DYNC2LI1: variants seen among roughly 807,000 people sequenced by gnomAD.
DYNC2LI1 encodes the protein cytoplasmic dynein 2 light intermediate chain 1.
DYNC2LI1 carries 45 observed loss-of-function variants against 51.9 expected under a neutral mutation model. That is an observed-to-expected ratio of 0.87 (90% confidence interval 0.68 to 1.11). The LOEUF is 1.11. Among genes scored for constraint, DYNC2LI1 ranks in the 50% most tolerant of loss-of-function variants. The pLI is 0.00. For missense variants in DYNC2LI1, 490 were observed against 417.4 expected, an observed-to-expected ratio of 1.17 and a Z score of -1.51; for synonymous variants, 130 against 137.8, an observed-to-expected ratio of 0.94 and a Z score of 0.40.
At chr2:43,805,112 TGGTTTATG>T in intron 11 of DYNC2LI1, 34 bp from the exon 12 acceptor site, 1 of 1,334,454 alleles carries the variant, frequency 7.5e-7, no homozygotes. Flanking sequence ...CATTGAATTT[TGGTTTATG>T]GGCGTGAAGT....
At chr2:43,827,325 CAAAAA>C in the DYNC2LI1 span, among the ~76,000 whole-genome samples, 1 of 112,236 alleles carries the variant, frequency 8.9e-6, no homozygotes. Flanking sequence ...AACTCTGTCT[CAAAAA>C]AAAAAAAAAA....
At chr2:43,779,154 G>A (rs987925789) in intron 2 of DYNC2LI1, among the ~76,000 whole-genome samples, 2 of 152,074 alleles carry the variant, frequency 1.3e-5, no homozygotes, top group South Asian at 2.1e-4. Context: ...TCCCAGCTAC[G>A]TGGAAGACTG....
chr2:43,824,665 A>G, the DYNC2LI1 span: 1 of 981,490 alleles, frequency 1.0e-6, no homozygotes, highest in Non-Finnish European at 1.2e-6. Flanking sequence ...TGCTCTGATA[A>G]AGTAGTAGCA....
chr2:43,796,678 T>C (rs1346503522), intron 7 of DYNC2LI1, 40 bp from the exon 8 acceptor site: 4 of 1,410,594 alleles, frequency 2.8e-6, no homozygotes, highest in South Asian at 1.2e-5. Flanking sequence ...GCTATAGATA[T>C]TTGGTTATCT....
At chr2:43,775,717 T>C (rs1672981888) in intron 1 of DYNC2LI1, 9 of 385,468 alleles carry the variant, frequency 2.3e-5, no homozygotes, top group South Asian at 1.5e-4. Context: ...AGACAGAGTC[T>C]CGCTCTGTTG....
rs756309012 is a variant in DYNC2LI1 at position 43,804,631 on chromosome 2, T to C, written c.803-11T>C. ...CATTGCAGTCATTTGTGGTAAAACTTGCTATTTTAGGATCTCCTCCTGTTC... is the reference window on the plus strand; with the variant it reads ...CATTGCAGTCATTTGTGGTAAAACTCGCTATTTTAGGATCTCCTCCTGTTC... On this transcript the variant is annotated splice_polypyrimidine_tract_variant and intron_variant, in intron 10 of 12. Coordinates refer to ENST00000260605, the MANE Select transcript of DYNC2LI1 (RefSeq NM_016008.4). 7.1e-5 allele frequency: 110 copies of C among 1,552,916 alleles called. 1 individual carries two copies. In the East Asian group the frequency reaches 1.3e-3, roughly 18 times the overall value.
chr2:43,804,204 G>A (rs1666164203), intron 10 of DYNC2LI1, among the ~76,000 whole-genome samples: 1 of 152,106 alleles, frequency 6.6e-6, no homozygotes, highest in African/African-American at 2.4e-5. Context: ...GTGTTACAGA[G>A]CATGGCTATG....
chr2:43,826,464 A>G, the DYNC2LI1 span: 4 of 1,614,184 alleles, frequency 2.5e-6, no homozygotes, highest in Middle Eastern at 1.6e-4. Flanking sequence ...GAGGACGACA[A>G]TCTGATTAGC....
the DYNC2LI1 span, chr2:43,822,543 C>G: frequency 1.0e-6 from 1 of 985,026 alleles, no homozygotes; most frequent in African/African-American, 1.8e-5. Context: ...CAGGCCCTGC[C>G]GTGAATGTGG....
the DYNC2LI1 span, chr2:43,819,971 G>A: frequency 6.2e-7 from 1 of 1,614,154 alleles, no homozygotes; most frequent in East Asian, 2.2e-5. Flanking sequence ...CCACTACACT[G>A]TTGACTATAT....
intron 8 of DYNC2LI1, among the ~76,000 whole-genome samples, chr2:43,797,589 G>A (rs1198570984): frequency 3.5e-5 from 5 of 141,514 alleles, no homozygotes; most frequent in Admixed American, 2.3e-4. Flanking sequence ...GCATGGTCTC[G>A]GCTCACTGCA....
At chr2:43,793,069 A>G (rs1459131127) in intron 5 of DYNC2LI1, 3 of 266,718 alleles carry the variant, frequency 1.1e-5, no homozygotes, top group Non-Finnish European at 2.1e-5. Context: ...TTTTTGAGGA[A>G]TCACTATACT....
chr2:43,780,354 T>C (rs1246135841), intron 2 of DYNC2LI1, among the ~76,000 whole-genome samples: 1 of 151,958 alleles, frequency 6.6e-6, no homozygotes, highest in East Asian at 1.9e-4. Context: ...CCAAGACCCA[T>C]GTGGGTGTGA....
intron 11 of DYNC2LI1, 84 bp from the exon 12 acceptor site, chr2:43,805,070 A>G: frequency 1.2e-6 from 1 of 832,058 alleles, no homozygotes; most frequent in African/African-American, 1.7e-5. Flanking sequence ...AGGCTGAGGA[A>G]TGGGAGCTTG....
intron 12 of DYNC2LI1, 61 bp from the exon 13 acceptor site, chr2:43,809,644 A>G (rs1305873635): frequency 6.7e-6 from 8 of 1,191,836 alleles, no homozygotes; most frequent in Non-Finnish European, 8.6e-6. Context: ...GGCAGTTTTA[A>G]GGTGCCTCCT....
At chr2:43,820,073 G>A in the DYNC2LI1 span, 2 of 1,613,856 alleles carry the variant, frequency 1.2e-6, no homozygotes, top group South Asian at 2.2e-5. Context: ...ATCCAAATCG[G>A]GCAACCTCAG....
At chr2:43,804,017 A>G (rs1466207579) in intron 10 of DYNC2LI1, among the ~76,000 whole-genome samples, 2 of 152,212 alleles carry the variant, frequency 1.3e-5, no homozygotes, top group Non-Finnish European at 2.9e-5. Context: ...TATAGTGTAA[A>G]AAAACTATTT....
chr2:43,789,285 G>C (rs1020845072), intron 4 of DYNC2LI1, among the ~76,000 whole-genome samples: 10 of 152,134 alleles, frequency 6.6e-5, no homozygotes, highest in African/African-American at 1.9e-4. Flanking sequence ...TTTTCCAAAA[G>C]ATAATACGAA....
intron 2 of DYNC2LI1, among the ~76,000 whole-genome samples, chr2:43,778,086 C>A (rs1458589712): frequency 6.6e-6 from 1 of 152,038 alleles, no homozygotes; most frequent in African/African-American, 2.4e-5. Context: ...AAACTTAATT[C>A]TTTAAAATAA....
Sources: allele counts gnomAD v4.1 joint callset (sites outside exome capture counted in the v4.1 genomes callset), GRCh38; gene constraint gnomAD v4.1.1; transcripts MANE v1.5; gene names NCBI Gene and HGNC (gene_info 2026-07-23, HGNC 2026-07-21).